The following FAM120C variants were observed in gnomAD, a reference collection of about 807,000 sequenced individuals.
FAM120C encodes family with sequence similarity 120 member C, also known as constitutive coactivator of PPAR-gamma-like protein 2.
FAM120C carries 14 observed loss-of-function variants against 71.2 expected under a neutral mutation model. The observed-to-expected ratio is 0.20, with a 90% CI of 0.13 to 0.31. FAM120C has a LOEUF of 0.31. FAM120C is among the 10% of genes least tolerant of loss of function. The pLI, the probability that FAM120C is intolerant of heterozygous loss-of-function variation, is 1.00. For synonymous variants in FAM120C, 354 were observed against 353.2 expected (o/e 1.00, Z -0.03); for missense variants, 500 against 879.0 (o/e 0.57, Z 5.45).
chrX:54,108,365 T>A (rs1557125150), intron 10 of FAM120C, among the ~76,000 whole-genome samples: 4 of 110,476 alleles, frequency 3.6e-5, no homozygotes, highest in Non-Finnish European at 7.6e-5. Flanking sequence ...CCCAAATTAA[T>A]CTATAAATTC....
intron 3 of FAM120C, among the ~76,000 whole-genome samples, chrX:54,156,981 G>A (rs1557133789): frequency 9.2e-6 from 1 of 109,267 alleles, no homozygotes; most frequent in African/African-American, 3.3e-5. Flanking sequence ...GGAGGTGGAG[G>A]TTGCAGTGAG....
At chrX:54,093,639 T>C (rs2066834887) in intron 10 of FAM120C, among the ~76,000 whole-genome samples, 1 of 112,110 alleles carries the variant, frequency 8.9e-6, no homozygotes, top group Non-Finnish European at 1.9e-5. Flanking sequence ...CCCGCACTAC[T>C]ATTCAACTAT....
At position 54,069,682 on chromosome X, in the gene FAM120C, C is replaced by T. The variant is rs2066701903; in HGVS notation, c.*3351G>A. 1 of 111,503 alleles carries T rather than the reference C, an allele frequency of 9.0e-6. No homozygotes were observed. The highest frequency in any genetic ancestry group is 1.9e-5 in the Non-Finnish European group (1 of 53,130). 9.2% of individuals were successfully genotyped at this position (111,503 alleles called of 1,213,427 possible). A position where few individuals can be genotyped will look rare whatever the true frequency, so the allele number is the denominator to read the frequency against. On this transcript the variant is annotated 3_prime_UTR_variant, in exon 16 of 16. Transcript: ENST00000375180. ...TGACTTGGCCAATGATGTCAGAAAT[C>T]AAGATGGAGACAAAAATCAAATGTC...
chrX:54,146,310 AAAAT>A (rs1293052940), intron 4 of FAM120C, among the ~76,000 whole-genome samples: 3 of 111,786 alleles, frequency 2.7e-5, no homozygotes, highest in African/African-American at 6.5e-5. Flanking sequence ...GTATAATAAA[AAAAT>A]AAATAAAATT....
Position 54,073,155 on chromosome X carries a change from C to T in FAM120C, c.3169G>A (p.Ala1057Thr), listed in dbSNP as rs1557120239. Residue 1057 changes from alanine (A) to threonine (T), a missense_variant, in exon 16 of 16, where the codon GCC (alanine) becomes ACC (threonine). Physicochemically the swap from Ala to Thr is moderately conservative, Grantham distance 58. Around this residue, in one of 11 missense-constraint regions of FAM120C, gnomAD observed 85 missense variants for 96.1 expected, o/e 0.88. Transcript: ENST00000375180. ...DHRLPAPSQCALSRDSNECNN... is the reference protein window; with the variant it reads ...DHRLPAPSQCTLSRDSNECNN... ...CACTCATTGCTGTCTCTGGATAAGG[C>T]ACATTGTGATGGAGCTGGAAGACGA... The T allele has an allele frequency of 8.3e-7, 1 of 1,211,420 alleles. No homozygotes were observed. The highest frequency in any genetic ancestry group is 3.0e-5 in the East Asian group (1 of 33,826).
chrX:54,099,019 T>A (rs2066869033), intron 10 of FAM120C, among the ~76,000 whole-genome samples: 1 of 101,366 alleles, frequency 9.9e-6, no homozygotes, highest in South Asian at 4.7e-4. Flanking sequence ...TAGGCTTTTT[T>A]TTTTTTTTTT....
chrX:54,172,991 C>T (rs2067296225), intron 1 of FAM120C, among the ~76,000 whole-genome samples: 1 of 112,305 alleles, frequency 8.9e-6, no homozygotes, highest in Admixed American at 9.4e-5. Flanking sequence ...GTTTAGCCAT[C>T]GATGTTTGAC....
intron 10 of FAM120C, among the ~76,000 whole-genome samples, chrX:54,105,182 C>T (rs1014945362): frequency 8.9e-6 from 1 of 111,774 alleles, no homozygotes; most frequent in Non-Finnish European, 1.9e-5. Context: ...AAACCGAATC[C>T]AGCAGCACAT....
intron 1 of FAM120C, among the ~76,000 whole-genome samples, chrX:54,173,468 G>A (rs2067299570): frequency 9.0e-6 from 1 of 111,598 alleles, no homozygotes. Context: ...GCCTGGTCTC[G>A]AACTTCCGAC....
chrX:54,073,147 G>T lies in FAM120C; in HGVS notation c.3177C>A (p.Ser1059=), dbSNP rs374838792. Reference sequence around the variant, plus strand: ...CATTATTACACTCATTGCTGTCTCTGGATAAGGCACATTGTGATGGAGCTG... The same window carrying T: ...CATTATTACACTCATTGCTGTCTCTTGATAAGGCACATTGTGATGGAGCTG... ...RLPAPSQCAL[S]RDSNECNNGN... is the part of the protein sequence containing the mutation. The change falls in exon 16 of 16, where the codon TCC becomes TCA. Residue 1059 remains serine, a synonymous_variant. Coordinates refer to ENST00000375180, the MANE Select transcript of FAM120C (RefSeq NM_017848.6). The T allele has an allele frequency of 5.5e-5, 66 of 1,209,251 alleles. No homozygotes were observed. The African/African-American group carries it at 1.0e-3, about 19-fold the overall frequency.
chrX:54,109,598 G>C (rs1259375913), intron 10 of FAM120C, among the ~76,000 whole-genome samples: 1 of 106,003 alleles, frequency 9.4e-6, no homozygotes, highest in East Asian at 2.9e-4. Flanking sequence ...CTGGGTGACA[G>C]AGCAAGACCC....
chrX:54,097,914 G>T lies in FAM120C; in HGVS notation c.2313-6488C>A, dbSNP rs933981568. On this transcript the variant is annotated intron_variant, in intron 10 of 15. Transcript: ENST00000375180. ...GCTAATTTTTTGTATTTTTAGTAGA[G>T]ACGGGGTTTGACCGTGTTAGCCAGG... Among the ~76,000 whole-genome samples the T allele has an allele frequency of 6.8e-4, 75 of 110,671 alleles. 1 individual carries two copies. The highest frequency in any genetic ancestry group is 3.0e-4 in the Non-Finnish European group (16 of 52,823).
intron 1 of FAM120C, 120 bp from the exon 2 acceptor site, chrX:54,159,736 C>T: frequency 9.4e-6 from 5 of 533,063 alleles, no homozygotes; most frequent in Non-Finnish European, 1.4e-5. Flanking sequence ...CGTGAGAGAA[C>T]AGAACATTCT....
intron 15 of FAM120C, 66 bp downstream of exon 15, chrX:54,080,166 T>C (rs2066757310): frequency 1.1e-6 from 1 of 943,707 alleles, no homozygotes. Flanking sequence ...TGTGATCTCT[T>C]TTAGTTTAGC....
chrX:54,183,223 A>C lies in FAM120C; in HGVS notation c.-25T>G, dbSNP rs2067366488. On this transcript the variant is annotated 5_prime_UTR_variant, in exon 1 of 16. Transcript: ENST00000375180. ...TGCTTCGTCGGTGGGCAGACGCGAT[A>C]GCGGCTGCGCAAGCAGGATAGGCGA... 2 of 1,011,583 alleles carry C rather than the reference A, an allele frequency of 2.0e-6. No individual in the cohort carries two copies. Among genetic ancestry groups the C allele is most frequent in the South Asian group, 2.6e-5 (1 of 38,854 alleles). The allele number at this position is 1,011,583 out of a possible 1,213,427, so 83.4% of individuals were successfully genotyped here.
rs187708359 is a variant in FAM120C, at chrX:54,130,966, A to G, written c.2062+1726T>C. ...GAAAATTCAGGGAACTCACCACTGC[A>G]CCACTGCGTCATTCCTTGGGCCCCA... On this transcript the variant is annotated intron_variant, in intron 9 of 15. Coordinates refer to ENST00000375180, the MANE Select transcript of FAM120C (RefSeq NM_017848.6). Among the ~76,000 whole-genome samples, 508 of 111,119 alleles carry G rather than the reference A, an allele frequency of 4.6e-3. 3 individuals carry two copies. Among genetic ancestry groups the G allele is most frequent in the Middle Eastern group, 9.2e-3 (2 of 217 alleles).
intron 1 of FAM120C, among the ~76,000 whole-genome samples, chrX:54,181,695 G>A (rs1412019733): frequency 8.9e-6 from 1 of 112,051 alleles, no homozygotes; most frequent in African/African-American, 3.3e-5. Context: ...CTTCTTCAGG[G>A]AAGCCTCCCC....
At chrX:54,116,200 C>T (rs2066966911) in intron 10 of FAM120C, among the ~76,000 whole-genome samples, 2 of 111,970 alleles carry the variant, frequency 1.8e-5, no homozygotes, top group Non-Finnish European at 3.8e-5. Context: ...ACATGGATGT[C>T]TAAACAAATA....
chrX:54,135,239 GAAT>G, intron 6 of FAM120C, 128 bp from the exon 7 acceptor site: 1 of 651,314 alleles, frequency 1.5e-6, no homozygotes, highest in Non-Finnish European at 2.3e-6. Context: ...CACCTAATGA[GAAT>G]AATGAGAAAT....
Sources: gnomAD v4.1 joint callset for allele counts (sites outside exome capture counted in the v4.1 genomes callset) on GRCh38, gnomAD v4.1.1 for gene constraint, gnomAD v4.1.1 regional missense constraint, MANE v1.5 for transcripts, NCBI Gene and HGNC (gene_info 2026-07-23, HGNC 2026-07-21) for gene names.